TENM1: variants seen among roughly 807,000 people sequenced by gnomAD.
The protein encoded by TENM1 is teneurin transmembrane protein 1.
TENM1 carries 35 observed loss-of-function variants against 174.8 expected under a neutral mutation model. The ratio of observed to expected loss-of-function variants is 0.20; its 90% CI spans 0.15 to 0.27. The LOEUF (loss-of-function observed/expected upper bound fraction) is 0.27. TENM1 is among the 10% of genes least tolerant of loss of function. The pLI is 1.00. For missense variants in TENM1, 1,633 were observed against 2,130.1 expected (o/e 0.77, Z 4.59); for synonymous variants, 781 against 798.7 (o/e 0.98, Z 0.37).
the TENM1 span, among the ~76,000 whole-genome samples, chrX:125,088,474 A>C: frequency 9.0e-6 from 1 of 111,256 alleles, no homozygotes; most frequent in African/African-American, 3.3e-5. Context: ...GCAAGATGTT[A>C]ATAATAGGGG....
rs759840229 is a variant in TENM1 at position 124,757,024 on chromosome X, T to C, written c.536-19827A>G. ...GGAGAACCACTGGTCTCTTCAAAGC[T>C]GTCAGACAGGGACATTTAAGTCTGC... On this transcript the variant is annotated intron_variant, in intron 3 of 31. Transcript: ENST00000422452. 8.5e-4 allele frequency among the ~76,000 whole-genome samples: 95 copies of C among 112,377 alleles called. No homozygotes were observed. The East Asian group carries it at 0.016, about 19-fold the overall frequency.
intron 1 of TENM1, among the ~76,000 whole-genome samples, chrX:124,908,911 T>G (rs1001940498): frequency 1.3e-4 from 14 of 108,679 alleles, no homozygotes; most frequent in Non-Finnish European, 1.5e-4. Flanking sequence ...CAGGCTGGAG[T>G]GCAGTGATGC....
intron 3 of TENM1, among the ~76,000 whole-genome samples, chrX:124,832,709 G>C (rs1030773384): frequency 1.8e-5 from 2 of 111,493 alleles, no homozygotes; most frequent in African/African-American, 3.3e-5. Context: ...TGAGTAGAAA[G>C]GACTATGGGC....
intron 3 of TENM1, among the ~76,000 whole-genome samples, chrX:124,778,658 C>A (rs899282534): frequency 8.0e-5 from 9 of 112,102 alleles, no homozygotes; most frequent in African/African-American, 2.9e-4. Flanking sequence ...GGAATTTCAT[C>A]TGTCAATGTG....
intron 3 of TENM1, among the ~76,000 whole-genome samples, chrX:124,748,475 T>A: frequency 9.0e-6 from 1 of 111,099 alleles, no homozygotes; most frequent in Non-Finnish European, 1.9e-5. Context: ...ATCCTACTTA[T>A]AACTTACAAA....
chrX:124,837,158 G>C (rs1569459976), intron 3 of TENM1, among the ~76,000 whole-genome samples: 2 of 112,173 alleles, frequency 1.8e-5, no homozygotes, highest in Admixed American at 1.9e-4. Context: ...GCATGGTCTT[G>C]GCTCACTGCA....
intron 23 of TENM1, among the ~76,000 whole-genome samples, chrX:124,443,042 CTATGTGTGTGTGTGTGTGTGTGTGTG>C (rs1305980340): frequency 1.2e-4 from 5 of 42,171 alleles, no homozygotes; most frequent in South Asian, 3.0e-3. Context: ...GCCTGGATGA[CTATGTGTGTGTGTGTGTGTGTGTGTG>C]TGTGTGTGTG....
the TENM1 span, among the ~76,000 whole-genome samples, chrX:125,155,891 C>T: frequency 8.9e-6 from 1 of 112,534 alleles, no homozygotes; most frequent in Non-Finnish European, 1.9e-5. Context: ...CCTCGGCCAG[C>T]CCAGGAAGGG....
At chrX:125,200,652 T>TGAGAGAGAGAGAGAGAGAGA in the TENM1 span, among the ~76,000 whole-genome samples, 6 of 81,341 alleles carry the variant, frequency 7.4e-5, no homozygotes, top group African/African-American at 3.4e-4. Context: ...TGTGTGTGTG[T>TGAGAGAGAGAGAGAGAGAGA]GTGAGAGAGA....
chrX:124,477,749 C>CAAAA (rs58693858), intron 22 of TENM1, among the ~76,000 whole-genome samples: 258 of 44,909 alleles, frequency 5.7e-3, no homozygotes, highest in African/African-American at 0.017. Context: ...GACTTCGTCT[C>CAAAA]AAAAAAAAAA....
At chrX:124,562,609 T>C (rs143556975) in intron 13 of TENM1, among the ~76,000 whole-genome samples, 7,032 of 112,736 alleles carry the variant, frequency 0.062, 537 homozygotes, top group African/African-American at 0.21. Flanking sequence ...GATAAAGCAT[T>C]AACACTGACA....
rs2301399 is a variant in TENM1 at position 124,561,626 on chromosome X, G to A, written c.2434+45C>T. 1.5e-4 allele frequency: 178 copies of A among 1,199,514 alleles called. No homozygotes were observed. In the East Asian group the frequency reaches 4.5e-3, roughly 30 times the overall value. ...CAGGTTGATTACCACTGTGCTAGAG[G>A]CTGGGCTATTCCTTTCTTACGTGAA... is the stretch of plus-strand genomic sequence containing the variant. On this transcript the variant is annotated intron_variant, in intron 14 of 31. Coordinates refer to ENST00000422452, the Ensembl canonical transcript of TENM1.
rs769258014 is a variant in TENM1, at chrX:124,573,609, A to C, written c.2078-8049T>G. On this transcript the variant is annotated intron_variant, in intron 11 of 31. Transcript: ENST00000422452. Reference sequence around the variant, plus strand: ...ACCTAACTCTTACACAATACCCTCCACAGATACAAACCACAACCACGAGTC... The same window carrying C: ...ACCTAACTCTTACACAATACCCTCCCCAGATACAAACCACAACCACGAGTC... Among the ~76,000 whole-genome samples the C allele has an allele frequency of 2.3e-4, 26 of 112,240 alleles. 1 individual carries two copies. The South Asian group carries it at 9.6e-3, about 42-fold the overall frequency.
At position 124,619,920 on chromosome X, in the gene TENM1, CTT is replaced by C. The variant is rs1377407262; in HGVS notation, c.2077+21869_2077+21870del. Reference sequence around the variant, plus strand: ...TGGAACAAATGATGCAATCAAAGGACTTGAACTGACTTCAAGAGTACAATCAG... The same window carrying C: ...TGGAACAAATGATGCAATCAAAGGACGAACTGACTTCAAGAGTACAATCAG... On this transcript the variant is annotated intron_variant, in intron 11 of 31. Coordinates refer to ENST00000422452, the Ensembl canonical transcript of TENM1. 2.7e-5 allele frequency among the ~76,000 whole-genome samples: 3 copies of C among 111,947 alleles called. No homozygotes were observed. The East Asian group carries it at 8.5e-4, about 32-fold the overall frequency.
intron 21 of TENM1, among the ~76,000 whole-genome samples, chrX:124,486,717 G>C (rs2046960975): frequency 9.0e-6 from 1 of 111,159 alleles, no homozygotes; most frequent in Non-Finnish European, 1.9e-5. Context: ...TCTTTTTGGT[G>C]GAAAGAAATA....
chrX:124,405,759 G>C (rs1253380506), intron 26 of TENM1, among the ~76,000 whole-genome samples: 2 of 110,898 alleles, frequency 1.8e-5, no homozygotes, highest in African/African-American at 6.6e-5. Context: ...CTTAATGACA[G>C]GGCAGAGAGA....
At chrX:124,755,584 C>T (rs1210189237) in intron 3 of TENM1, among the ~76,000 whole-genome samples, 64 of 110,281 alleles carry the variant, frequency 5.8e-4, no homozygotes, top group African/African-American at 1.9e-3. Context: ...TTCCTAGCCT[C>T]GATGGTCTTT....
chrX:125,146,496 G>A, the TENM1 span, among the ~76,000 whole-genome samples: 1 of 111,363 alleles, frequency 9.0e-6, no homozygotes, highest in African/African-American at 3.3e-5. Flanking sequence ...TTCTAATTAA[G>A]TGCTAGGAAA....
chrX:124,400,303 A>G (rs750341119), intron 27 of TENM1, among the ~76,000 whole-genome samples: 1 of 111,497 alleles, frequency 9.0e-6, no homozygotes, highest in Non-Finnish European at 1.9e-5. Flanking sequence ...AATTTCTCAG[A>G]ATAGAGGGAA....
Sources: gnomAD v4.1 joint callset for allele counts (sites outside exome capture counted in the v4.1 genomes callset) on GRCh38, gnomAD v4.1.1 for gene constraint, MANE v1.5 for transcripts, NCBI Gene and HGNC (gene_info 2026-07-23, HGNC 2026-07-21) for gene names.